The following CNTNAP5 variants were observed in gnomAD, a reference collection of about 807,000 sequenced individuals.
The protein encoded by CNTNAP5 is contactin-associated protein-like 5.
Under a neutral mutation model 150.2 loss-of-function variants are expected in CNTNAP5, and 72 were observed. The observed-to-expected ratio is 0.48, with a 90% CI of 0.40 to 0.58. The LOEUF is 0.58. CNTNAP5 is among the 20% of genes least tolerant of loss of function. The probability of loss-of-function intolerance (pLI) is 0.00; values close to 1 mark genes in which losing one functional copy is unlikely to be tolerated. For missense variants in CNTNAP5, 1,636 were observed against 1,626.2 expected (o/e 1.01, Z -0.10); for synonymous variants, 672 against 619.8 (o/e 1.08, Z -1.25).
intron 22 of CNTNAP5, among the ~76,000 whole-genome samples, chr2:124,909,678 C>T (rs1255902612): frequency 4.0e-5 from 6 of 150,642 alleles, no homozygotes. Context: ...TGTCTTCTAC[C>T]CATCTTTTAC....
At chr2:124,778,817 G>T (rs1212369810) in intron 17 of CNTNAP5, among the ~76,000 whole-genome samples, 1 of 151,674 alleles carries the variant, frequency 6.6e-6, no homozygotes, top group Non-Finnish European at 1.5e-5. Context: ...TGCTTAAAAG[G>T]ATTGTAACAA....
At chr2:124,741,394 T>C (rs938409558) in intron 13 of CNTNAP5, among the ~76,000 whole-genome samples, 8 of 152,154 alleles carry the variant, frequency 5.3e-5, no homozygotes, top group African/African-American at 1.9e-4. Flanking sequence ...TTCCCAGTTG[T>C]CAAAACTTTA....
At chr2:124,522,713 G>A in intron 8 of CNTNAP5, among the ~76,000 whole-genome samples, 1 of 152,246 alleles carries the variant, frequency 6.6e-6, no homozygotes, top group South Asian at 2.1e-4. Context: ...TGAGACCTCT[G>A]GGTGATTGGA....
intron 3 of CNTNAP5, among the ~76,000 whole-genome samples, chr2:124,274,759 T>C (rs759043646): frequency 1.6e-4 from 24 of 152,166 alleles, no homozygotes; most frequent in Non-Finnish European, 3.1e-4. Flanking sequence ...TAAAGGCCAC[T>C]AGGGATTGTC....
At chr2:124,746,200 G>A (rs1680599565) in intron 13 of CNTNAP5, among the ~76,000 whole-genome samples, 2 of 152,106 alleles carry the variant, frequency 1.3e-5, no homozygotes, top group Non-Finnish European at 2.9e-5. Flanking sequence ...GGGAGCCCAG[G>A]CCTCACATCC....
chr2:124,761,894 T>C (rs147783958), intron 14 of CNTNAP5, among the ~76,000 whole-genome samples: 1 of 152,258 alleles, frequency 6.6e-6, no homozygotes, highest in East Asian at 1.9e-4. Context: ...CATCAAACTT[T>C]TGTGGAAAAG....
intron 4 of CNTNAP5, among the ~76,000 whole-genome samples, chr2:124,426,422 C>A (rs1194165666): frequency 6.6e-6 from 1 of 152,042 alleles, no homozygotes; most frequent in Non-Finnish European, 1.5e-5. Flanking sequence ...TAGCCAAAGC[C>A]CTTGAGTCTT....
intron 1 of CNTNAP5, among the ~76,000 whole-genome samples, chr2:124,148,033 C>G (rs1211272034): frequency 3.9e-5 from 6 of 152,188 alleles, no homozygotes; most frequent in Admixed American, 2.0e-4. Flanking sequence ...GCTGCGGGCA[C>G]TTTCACTCAC....
At chr2:124,763,945 T>C in intron 15 of CNTNAP5, 32 bp from the exon 16 acceptor site, 1 of 1,606,214 alleles carries the variant, frequency 6.2e-7, no homozygotes, top group African/African-American at 1.3e-5. Context: ...CTGAAAACGA[T>C]AAACCATGTT....
intron 2 of CNTNAP5, among the ~76,000 whole-genome samples, chr2:124,237,101 C>G (rs1193586865): frequency 6.6e-6 from 1 of 152,184 alleles, no homozygotes; most frequent in Admixed American, 6.5e-5. Context: ...TGCACTCCAG[C>G]CTGGGTGACA....
chr2:124,242,403 C>G lies in CNTNAP5; in HGVS notation c.381+10C>G, dbSNP rs960964264. 6.2e-7 allele frequency: 1 copy of G among 1,608,714 alleles called. No individual in the cohort carries two copies. The highest frequency in any genetic ancestry group is 1.7e-5 in the Admixed American group (1 of 59,360). Reference sequence around the variant, plus strand: ...AGAAGACAGCATCTGGGTAGGACATCTTTTTCCTTCCAATGAATAAAACTG... The same window carrying G: ...AGAAGACAGCATCTGGGTAGGACATGTTTTTCCTTCCAATGAATAAAACTG... On this transcript the variant is annotated intron_variant, in intron 3 of 23. Coordinates refer to ENST00000682447, the MANE Select transcript of CNTNAP5 (RefSeq NM_001367498.1).
chr2:124,341,706 G>A (rs1337541623), intron 3 of CNTNAP5, among the ~76,000 whole-genome samples: 1 of 152,112 alleles, frequency 6.6e-6, no homozygotes, highest in African/African-American at 2.4e-5. Flanking sequence ...GGATTCTGGA[G>A]GGCAGTCAGT....
At chr2:124,157,690 A>C (rs139174126) in intron 1 of CNTNAP5, among the ~76,000 whole-genome samples, 2 of 152,314 alleles carry the variant, frequency 1.3e-5, no homozygotes, top group African/African-American at 4.8e-5. Context: ...CATAATCTAA[A>C]GGGCATCTAT....
intron 13 of CNTNAP5, among the ~76,000 whole-genome samples, chr2:124,723,978 C>T (rs1275916792): frequency 1.3e-5 from 2 of 151,898 alleles, no homozygotes; most frequent in African/African-American, 2.4e-5. Flanking sequence ...AATCCCATCT[C>T]TGTTAAAAAT....
chr2:124,253,298 A>G (rs979212651), intron 3 of CNTNAP5, among the ~76,000 whole-genome samples: 23 of 152,112 alleles, frequency 1.5e-4, no homozygotes, highest in African/African-American at 5.3e-4. Flanking sequence ...ACTTTTGTAT[A>G]TATATTTAAA....
chr2:124,486,825 C>T (rs1402907938), intron 7 of CNTNAP5, among the ~76,000 whole-genome samples: 1 of 152,086 alleles, frequency 6.6e-6, no homozygotes, highest in Non-Finnish European at 1.5e-5. Context: ...ATTATAGGCC[C>T]ATGTAATTTA....
rs1558805670 is a variant in CNTNAP5, at chr2:124,865,229, T to C, written c.3218-77T>C. 7 of 1,209,388 alleles carry C rather than the reference T, an allele frequency of 5.8e-6. No homozygotes were observed. In the East Asian group the frequency reaches 1.3e-4, roughly 22 times the overall value. The allele number at this position is 1,209,388 out of a possible 1,614,324, so 74.9% of individuals were successfully genotyped here. A position where few individuals can be genotyped will look rare whatever the true frequency, so the allele number is the denominator to read the frequency against. On this transcript the variant is annotated intron_variant, in intron 19 of 23. Transcript: ENST00000682447. ...AAGACCTGGGGCCCTAATAATCAAT[T>C]AAAAGATAATCTGATCATGTCTTTG...
chr2:124,401,046 T>C (rs1691410872), intron 3 of CNTNAP5, among the ~76,000 whole-genome samples: 1 of 152,162 alleles, frequency 6.6e-6, no homozygotes, highest in Non-Finnish European at 1.5e-5. Context: ...TTTGTATTTT[T>C]AGTAGAAACG....
At chr2:124,347,964 A>C (rs904231901) in intron 3 of CNTNAP5, among the ~76,000 whole-genome samples, 1 of 151,872 alleles carries the variant, frequency 6.6e-6, no homozygotes, top group Non-Finnish European at 1.5e-5. Flanking sequence ...AGCTGGGACT[A>C]CTACAGGCAC....
Sources: gnomAD v4.1 joint callset for allele counts (sites outside exome capture counted in the v4.1 genomes callset) on GRCh38, gnomAD v4.1.1 for gene constraint, MANE v1.5 for transcripts, NCBI Gene and HGNC (gene_info 2026-07-23, HGNC 2026-07-21) for gene names.